MAEL: variants seen among roughly 807,000 people sequenced by gnomAD.
The protein encoded by MAEL is maelstrom spermatogenic transposon silencer.
A neutral mutation model predicts 62.0 loss-of-function variants in MAEL; 46 were observed. The ratio of observed to expected loss-of-function variants is 0.74; its 90% CI spans 0.59 to 0.95. The LOEUF (loss-of-function observed/expected upper bound fraction) is 0.95. Ranked by LOEUF, MAEL falls within the 40% of genes least tolerant of loss-of-function variation. The pLI is 0.00. For synonymous variants in MAEL, 172 were observed against 175.5 expected, an observed-to-expected ratio of 0.98 and a Z score of 0.16; for missense variants, 497 against 526.8, an observed-to-expected ratio of 0.94 and a Z score of 0.55.
chr1:167,018,549 A>C (rs892468003), intron 10 of MAEL, among the ~76,000 whole-genome samples: 3 of 152,114 alleles, frequency 2.0e-5, no homozygotes, highest in African/African-American at 7.2e-5. Flanking sequence ...AATAGGGGCT[A>C]GTATTTGTTA....
rs1313389081 is a variant in MAEL, at chr1:166,989,331, C to T, written c.-22C>T. 4 of 1,604,682 alleles carry T rather than the reference C, an allele frequency of 2.5e-6. No homozygotes were observed. The African/African-American group carries it at 5.3e-5, about 21-fold the overall frequency. On this transcript the variant is annotated 5_prime_UTR_variant, in exon 1 of 12. Coordinates refer to ENST00000367872, the MANE Select transcript of MAEL (RefSeq NM_032858.3). ...GCCGGTGCTTTGTTCTGTCTGAGGC[C>T]AGGAAGTTTGACCGCGCTGCCATGC... is the stretch of plus-strand genomic sequence containing the variant.
chr1:167,010,544 C>G (rs933264334), intron 8 of MAEL, among the ~76,000 whole-genome samples: 1 of 152,138 alleles, frequency 6.6e-6, no homozygotes, highest in Non-Finnish European at 1.5e-5. Context: ...CTCCTAGAGT[C>G]AAGCAGTCCT....
At chr1:166,995,676 TA>T (rs200023802) in intron 5 of MAEL, among the ~76,000 whole-genome samples, 104 of 145,854 alleles carry the variant, frequency 7.1e-4, no homozygotes, top group Admixed American at 6.2e-4. Flanking sequence ...AGATGGCAGT[TA>T]AAAAAAAAAA....
intron 8 of MAEL, among the ~76,000 whole-genome samples, chr1:167,006,620 T>TATATATAC (rs1664914810): frequency 1.2e-5 from 1 of 84,324 alleles, no homozygotes; most frequent in Non-Finnish European, 2.4e-5. Context: ...TATATATATA[T>TATATATAC]ATATATATAT....
chr1:166,996,781 A>G (rs1458581571), intron 5 of MAEL, among the ~76,000 whole-genome samples: 1 of 152,208 alleles, frequency 6.6e-6, no homozygotes, highest in East Asian at 1.9e-4. Flanking sequence ...TATGTAATTA[A>G]CATATTGTAT....
rs142083360 is a variant in MAEL, at chr1:167,010,067, T to G, written c.845+4670T>G. 5.6e-4 allele frequency among the ~76,000 whole-genome samples: 86 copies of G among 152,262 alleles called. No individual in the cohort carries two copies. The East Asian group carries it at 0.017, about 29-fold the overall frequency. ...CCCTATGACCCCCATGTGTCAAGGGTTGGACCAGGTGGAGGTAACTGGATC... is the reference window on the plus strand; with the variant it reads ...CCCTATGACCCCCATGTGTCAAGGGGTGGACCAGGTGGAGGTAACTGGATC... On this transcript the variant is annotated intron_variant, in intron 8 of 11. Transcript: ENST00000367872.
rs76265604 is a variant in MAEL at position 166,982,603 on chromosome 1, T to C, written c.-120-6798T>C. Among the ~76,000 whole-genome samples the C allele has an allele frequency of 1.3e-3, 194 of 152,222 alleles. 3 individuals carry two copies. In the East Asian group the frequency reaches 0.034, roughly 27 times the overall value. On this transcript the variant is annotated intron_variant, in intron 1 of 12. Transcript: ENST00000622874. ...CCACATTTTCCAAGAACACTTGTGG[T>C]GCTCTTCAGTGGTTTGCATAACACG...
In MAEL at chr1:166,994,023, T is replaced by G. The variant is rs776535740; in HGVS notation, c.482-5T>G. 1 of 1,612,488 alleles carries G rather than the reference T, an allele frequency of 6.2e-7. No individual in the cohort carries two copies. The highest frequency in any genetic ancestry group is 1.3e-5 in the African/African-American group (1 of 74,864). ...TGCTTCTCAACAAGATATTTTGTATTATAGGTGAAATTCCACGAGGATTTC... is the reference window on the plus strand; with the variant it reads ...TGCTTCTCAACAAGATATTTTGTATGATAGGTGAAATTCCACGAGGATTTC... On this transcript the variant is annotated splice_polypyrimidine_tract_variant and splice_region_variant and intron_variant, in intron 4 of 11. Coordinates refer to ENST00000367872, the MANE Select transcript of MAEL (RefSeq NM_032858.3).
chr1:167,014,444 C>T (rs921495620), intron 8 of MAEL, among the ~76,000 whole-genome samples: 4 of 152,132 alleles, frequency 2.6e-5, no homozygotes, highest in African/African-American at 7.2e-5. Context: ...GGGAGTGACA[C>T]GATCATCCTT....
Position 167,005,315 on chromosome 1 carries a change from C to A in MAEL, c.763C>A (p.Gln255Lys), listed in dbSNP as rs1664846196. 6.2e-7 allele frequency: 1 copy of A among 1,613,546 alleles called. No homozygotes were observed. The highest frequency in any genetic ancestry group is 1.7e-5 in the Admixed American group (1 of 59,928). Residue 255 changes from glutamine (Q) to lysine (K), a missense_variant, in exon 8 of 12, where the codon CAA (glutamine) becomes AAA (lysine). Transcript: ENST00000367872. ...VEDLVVGIYQ[Q>K]KFLKEPSKTW... ...GGACCTTGTAGTGGGGATCTACCAACAAAAATTTCTCAAGGAGCCCTCTAA... is the reference window on the plus strand; with the variant it reads ...GGACCTTGTAGTGGGGATCTACCAAAAAAAATTTCTCAAGGAGCCCTCTAA...
chr1:167,005,192 C>A, intron 7 of MAEL, 62 bp downstream of exon 7: 1 of 1,609,054 alleles, frequency 6.2e-7, no homozygotes, highest in Non-Finnish European at 8.5e-7. Flanking sequence ...TTTGTTTCCA[C>A]TTTGATATCT....
intron 5 of MAEL, among the ~76,000 whole-genome samples, chr1:166,997,957 A>G (rs1664498172): frequency 6.6e-6 from 1 of 152,150 alleles, no homozygotes; most frequent in Non-Finnish European, 1.5e-5. Context: ...TGAATAATCA[A>G]TTTGTACCCC....
At position 166,982,089 on chromosome 1, in the gene MAEL, C is replaced by A. The variant is rs533506347; in HGVS notation, c.-121+6423C>A. Among the ~76,000 whole-genome samples, 18 of 152,228 alleles carry A rather than the reference C, an allele frequency of 1.2e-4. No individual in the cohort carries two copies. The East Asian group carries it at 3.5e-3, about 29-fold the overall frequency. Reference sequence around the variant, plus strand: ...AATTGAGAAAGACATTGCAAGGAGTCACAAGAGGTAGAATTCACATGTATA... The same window carrying A: ...AATTGAGAAAGACATTGCAAGGAGTAACAAGAGGTAGAATTCACATGTATA... On this transcript the variant is annotated intron_variant, in intron 1 of 12. Transcript: ENST00000622874.
At chr1:166,978,018 T>C (rs924970542) in intron 1 of MAEL, among the ~76,000 whole-genome samples, 5 of 152,132 alleles carry the variant, frequency 3.3e-5, no homozygotes, top group Non-Finnish European at 7.3e-5. Context: ...AAATGGGAGA[T>C]GGACTGAGTG....
chr1:166,988,874 C>T (rs1309945966), upstream of MAEL, among the ~76,000 whole-genome samples: 4 of 152,132 alleles, frequency 2.6e-5, no homozygotes, highest in African/African-American at 4.8e-5. Flanking sequence ...TCCCCTCATT[C>T]GATTGTAAAC....
Position 166,992,027 on chromosome 1 carries a change from G to T in MAEL, c.325+550G>T, listed in dbSNP as rs72689323. 3.2e-3 allele frequency among the ~76,000 whole-genome samples: 484 copies of T among 152,210 alleles called. 1 individual carries two copies. The highest frequency in any genetic ancestry group is 0.01 in the African/African-American group (436 of 41,548). On this transcript the variant is annotated intron_variant, in intron 3 of 11. Coordinates refer to ENST00000367872, the MANE Select transcript of MAEL (RefSeq NM_032858.3). ...AATAAAATATTTAAAAATCCTGGGT[G>T]GTGGAGGGGGCTTATAAAGATACAA...
chr1:167,007,251 T>A (rs1249143092), intron 8 of MAEL, among the ~76,000 whole-genome samples: 1 of 152,172 alleles, frequency 6.6e-6, no homozygotes, highest in Non-Finnish European at 1.5e-5. Context: ...ATTTTTATGA[T>A]CAAATTGTTC....
intron 8 of MAEL, among the ~76,000 whole-genome samples, chr1:167,009,505 A>G (rs551531625): frequency 4.6e-5 from 7 of 150,774 alleles, no homozygotes; most frequent in East Asian, 1.9e-4. Context: ...TTACTAGGCT[A>G]TTTCTCTGAG....
chr1:166,989,773 A>G lies in MAEL; in HGVS notation c.169A>G (p.Met57Val). The G allele has an allele frequency of 1.2e-6, 2 of 1,614,044 alleles. No homozygotes were observed. Among genetic ancestry groups the G allele is most frequent in the Non-Finnish European group, 1.7e-6 (2 of 1,179,998 alleles). The change falls in exon 2 of 12, where the codon ATG becomes GTG. Residue 57 changes from methionine (M) to valine (V), a missense_variant. By Grantham distance (21) the Met-to-Val change is conservative (BLOSUM62 1). Transcript: ENST00000367872. The stretch of plus-strand genomic sequence containing the variant: ...GGAAGAAAAGGAGAAATACGCAGAA[A>G]TGGCTCGAGAATGGAGGGCCGCTCA... ...REEEKEKYAE[M>V]AREWRAAQGK...
Sources: allele counts gnomAD v4.1 joint callset (sites outside exome capture counted in the v4.1 genomes callset), GRCh38; gene constraint gnomAD v4.1.1; transcripts MANE v1.5; gene names NCBI Gene and HGNC (gene_info 2026-07-23, HGNC 2026-07-21).